The following MEGF6 variants were observed in gnomAD, a reference collection of about 807,000 sequenced individuals.
MEGF6 encodes multiple EGF like domains 6, also known as multiple epidermal growth factor-like domains protein 6.
MEGF6 carries 184 observed loss-of-function variants against 207.1 expected under a neutral mutation model. The observed-to-expected ratio is 0.89, with a 90% CI of 0.79 to 1.00. MEGF6 has a LOEUF of 1.00. Among genes scored for constraint, MEGF6 ranks in the 50% least tolerant of loss-of-function variants. The pLI, the probability that MEGF6 is intolerant of heterozygous loss-of-function variation, is 0.00. For synonymous variants in MEGF6, 1,038 were observed against 910.0 expected, an observed-to-expected ratio of 1.14 and a Z score of -2.53; for missense variants, 2,282 against 2,202.9, an observed-to-expected ratio of 1.04 and a Z score of -0.72.
rs1189663719 is a variant in MEGF6 at position 3,499,222 on chromosome 1, C to A, written c.3010G>T (p.Ala1004Ser). The stretch of plus-strand genomic sequence containing the variant: ...TCACAGGAGGCCCCGTTAAAGCAGG[C>A]ACAGGCCTGGCTGCAATTGTGCCCG... ...TYGHNCSQAC[A>S]CFNGASCDPV... The change falls in exon 24 of 37, where the codon GCC becomes TCC. Residue 1004 changes from alanine (A) to serine (S), a missense_variant. Transcript: ENST00000356575. The A allele has an allele frequency of 3.1e-6, 5 of 1,605,808 alleles. No individual in the cohort carries two copies. The highest frequency in any genetic ancestry group is 2.2e-5 in the East Asian group (1 of 44,658).
At chr1:3,527,003 C>T (rs1570057547) in intron 4 of MEGF6, among the ~76,000 whole-genome samples, 2 of 152,314 alleles carry the variant, frequency 1.3e-5, no homozygotes, top group East Asian at 3.9e-4. Context: ...AAGTCCTCGA[C>T]CGTGTGGGAA....
chr1:3,515,502 A>G lies in MEGF6; in HGVS notation c.630T>C (p.Asn210=). 6.2e-7 allele frequency: 1 copy of G among 1,612,650 alleles called. No homozygotes were observed. Among genetic ancestry groups the G allele is most frequent in the Non-Finnish European group, 8.5e-7 (1 of 1,179,866 alleles). The change falls in exon 6 of 37, where the codon AAT becomes AAC. Residue 210 remains asparagine (N), a synonymous_variant. Transcript: ENST00000356575. ...GGACACAGTGGTGCTGGCAGCCGCC[A>G]TTGCCCAGGGCGCAGGAGTTAATGG... ...CLAINSCALG[N]GGCQHHCVQL... is the part of the protein sequence containing the mutation.
At chr1:3,528,673 C>G (rs994317151) in intron 4 of MEGF6, among the ~76,000 whole-genome samples, 1 of 151,882 alleles carries the variant, frequency 6.6e-6, no homozygotes, top group African/African-American at 2.4e-5. Context: ...AAGCAGAGGT[C>G]GGAGGGAGGC....
chr1:3,517,380 G>T (rs1478205257), intron 5 of MEGF6, among the ~76,000 whole-genome samples: 3 of 152,176 alleles, frequency 2.0e-5, no homozygotes, highest in East Asian at 3.9e-4. Context: ...AGGGCGGGGG[G>T]ATCAGAGGCA....
At position 3,490,207 on chromosome 1, in the gene MEGF6, CCCA is replaced by C. The variant is rs1640295921; in HGVS notation, c.*318_*320del. On this transcript the variant is annotated 3_prime_UTR_variant, in exon 37 of 37. Coordinates refer to ENST00000356575, the MANE Select transcript of MEGF6 (RefSeq NM_001409.4). The stretch of plus-strand genomic sequence containing the variant: ...ACCTGCGCCTGCACCCACACTGGCG[CCCA>C]CACCTGTCCTCAGTCCAACTCAGAG... The C allele has an allele frequency of 7.1e-6, 3 of 420,550 alleles. 1 individual carries two copies. In the East Asian group the frequency reaches 1.4e-4, roughly 19 times the overall value. The allele number at this position is 420,550 out of a possible 1,614,324, so 26.1% of individuals were successfully genotyped here.
rs547668625 is a variant in MEGF6 at position 3,494,727 on chromosome 1, G to C, written c.3886C>G (p.Arg1296Gly). Residue 1296 changes from arginine (R) to glycine (G), a missense_variant, in exon 31 of 37, where the codon CGG (arginine) becomes GGG (glycine). By Grantham distance (125) the Arg-to-Gly change is moderately radical. Transcript: ENST00000356575. ...VRCERGCPQN[R>G]FGVGCEHTCS... is the part of the protein sequence containing the mutation. ...GTGTGCTCGCAGCCCACGCCAAACC[G>C]GTTCTGGGGGCAGCCTGGAGACAGA... 1 of 1,584,090 alleles carries C rather than the reference G, an allele frequency of 6.3e-7. No individual in the cohort carries two copies. The highest frequency in any genetic ancestry group is 8.6e-7 in the Non-Finnish European group (1 of 1,165,264).
chr1:3,524,203 C>T lies in MEGF6; in HGVS notation c.525G>A (p.Arg175=). 6.2e-7 allele frequency: 1 copy of T among 1,612,872 alleles called. No individual in the cohort carries two copies. Among genetic ancestry groups the T allele is most frequent in the African/African-American group, 1.3e-5 (1 of 75,056 alleles). The change falls in exon 5 of 37, where the codon CGG becomes CGA. Residue 175 remains arginine (R), a synonymous_variant. Transcript: ENST00000356575. Reference sequence around the variant, plus strand: ...GGTAGGAGCCTGGGGTGTTCACGCACCGGTGCTGGCAGCCACCGTTGTGGG... The same window carrying T: ...GGTAGGAGCCTGGGGTGTTCACGCATCGGTGCTGGCAGCCACCGTTGTGGG... ...CRTHNGGCQH[R]CVNTPGSYLC...
In MEGF6 at chr1:3,560,450, G is replaced by T. The variant is rs1033220855; in HGVS notation, c.481+19375C>A. ...CTGCCCTAAAAATCCTCTGTGCTCC[G>T]CCTATTCACCCCTTCCTCCCTCCTT... is the stretch of plus-strand genomic sequence containing the variant. On this transcript the variant is annotated intron_variant, in intron 4 of 36. Transcript: ENST00000356575. This position sits in a 1 kb window ranked among gnomAD's most constrained non-coding sequence, Gnocchi z 4.0. Among the ~76,000 whole-genome samples the T allele has an allele frequency of 6.6e-6, 1 of 152,126 alleles. No individual in the cohort carries two copies. Among genetic ancestry groups the T allele is most frequent in the Admixed American group, 6.5e-5 (1 of 15,284 alleles).
rs534382071 is a variant in MEGF6 at position 3,521,786 on chromosome 1, C to A, written c.604+2338G>T. On this transcript the variant is annotated intron_variant, in intron 5 of 36. Coordinates refer to ENST00000356575, the MANE Select transcript of MEGF6 (RefSeq NM_001409.4). ...CCAGGAACTCGCCATCTGGTATCCC[C>A]CACGCACAGCTCGCACACAGAGGCC... is the stretch of plus-strand genomic sequence containing the variant. 3.3e-5 allele frequency among the ~76,000 whole-genome samples: 5 copies of A among 152,326 alleles called. No homozygotes were observed. The South Asian group carries it at 1.0e-3, about 32-fold the overall frequency.
intron 4 of MEGF6, among the ~76,000 whole-genome samples, chr1:3,546,211 C>CTAA (rs1557766616): frequency 6.6e-6 from 1 of 152,236 alleles, no homozygotes; most frequent in African/African-American, 2.4e-5. Context: ...CACCTCAATC[C>CTAA]TAATCTGTTC....
Position 3,499,592 on chromosome 1 carries a change from G to A in MEGF6, c.2961C>T (p.Ala987=), listed in dbSNP as rs769033886. The A allele has an allele frequency of 1.1e-5, 18 of 1,578,122 alleles. No individual in the cohort carries two copies. The highest frequency in any genetic ancestry group is 2.3e-5 in the East Asian group (1 of 43,386). ...CTGAGCAGGGACCTCACGCACTCTC[G>A]GCACAGCGGGGGCCCCGGCGGCCAG... The part of the protein sequence containing the change: ...CPAGRRGPRC[A]ETCPAHTYGH... Residue 987 remains alanine, a synonymous_variant, in exon 23 of 37, where the codon GCC becomes GCT. Transcript: ENST00000356575.
Position 3,490,093 on chromosome 1 carries a change from TA to T in MEGF6, c.*434del, listed in dbSNP as rs149151273. ...GCGGGCATGTGCAGTGGCCCATAAA[TA>T]CCTTTACATAAATACGGGCTGGGCG... is the stretch of plus-strand genomic sequence containing the variant. On this transcript the variant is annotated 3_prime_UTR_variant, in exon 37 of 37. Transcript: ENST00000356575. 0.013 allele frequency: 2,481 copies of T among 186,866 alleles called. 64 individuals are homozygous for T. The highest frequency in any genetic ancestry group is 0.055 in the African/African-American group (2,307 of 42,114). The allele number at this position is 186,866 out of a possible 1,614,324, so 11.6% of individuals were successfully genotyped here.
chr1:3,593,648 G>A (rs1644015421), intron 3 of MEGF6, among the ~76,000 whole-genome samples: 1 of 151,736 alleles, frequency 6.6e-6, no homozygotes, highest in East Asian at 1.9e-4. Flanking sequence ...CCTTTGGCAG[G>A]CCCCAGAACC....
chr1:3,549,887 AC>A (rs1642829909), intron 4 of MEGF6, among the ~76,000 whole-genome samples: 1 of 152,018 alleles, frequency 6.6e-6, no homozygotes, highest in Admixed American at 6.5e-5. Context: ...AAGCACAGGC[AC>A]GGGTGGGCGG....
At position 3,607,795 on chromosome 1, in the gene MEGF6, G is replaced by T. The variant is rs114691750; in HGVS notation, c.131+3343C>A. Among the ~76,000 whole-genome samples, 1,507 of 152,330 alleles carry T rather than the reference G, an allele frequency of 9.9e-3. 23 individuals carry two copies. The highest frequency in any genetic ancestry group is 0.034 in the African/African-American group (1,413 of 41,578). On this transcript the variant is annotated intron_variant, in intron 1 of 36. Coordinates refer to ENST00000356575, the MANE Select transcript of MEGF6 (RefSeq NM_001409.4). ...AGTGGACCTGGTGCAGTCGGAGGCG[G>T]AATGCTCCCAGCTGGTGGGCCATCT...
Position 3,488,478 on chromosome 1 carries a change from G to A in MEGF6, c.*2050C>T, listed in dbSNP as rs1640227872. 6.6e-6 allele frequency among the ~76,000 whole-genome samples: 1 copy of A among 152,238 alleles called. No homozygotes were observed. The highest frequency in any genetic ancestry group is 6.5e-5 in the Admixed American group (1 of 15,280). ...AGGCCATTTGGGAACTGTGGTGACT[G>A]AATATCTCAGAGCACCCTCCTGGCT... On this transcript the variant is annotated 3_prime_UTR_variant, in exon 37 of 37. Coordinates refer to ENST00000356575, the MANE Select transcript of MEGF6 (RefSeq NM_001409.4).
At chr1:3,527,584 G>A (rs926336676) in intron 4 of MEGF6, among the ~76,000 whole-genome samples, 2 of 152,224 alleles carry the variant, frequency 1.3e-5, no homozygotes, top group East Asian at 1.9e-4. Context: ...GATGGTTTGC[G>A]GGAAGATGCT....
chr1:3,569,782 G>C (rs1643446622), intron 4 of MEGF6, among the ~76,000 whole-genome samples: 3 of 152,218 alleles, frequency 2.0e-5, no homozygotes, highest in Non-Finnish European at 4.4e-5. Context: ...GGGGCAGTTG[G>C]GGGAGCCTAC....
intron 2 of MEGF6, 65 bp from the exon 3 acceptor site, chr1:3,595,512 C>G: frequency 7.3e-7 from 1 of 1,373,680 alleles, no homozygotes; most frequent in South Asian, 1.2e-5. Flanking sequence ...GCTCTCACTG[C>G]ACCCCTGGGG....
Sources: gnomAD v4.1 joint callset for allele counts (sites outside exome capture counted in the v4.1 genomes callset) on GRCh38, gnomAD v4.1.1 for gene constraint, Gnocchi (gnomAD v3.1) non-coding constraint, MANE v1.5 for transcripts, NCBI Gene and HGNC (gene_info 2026-07-23, HGNC 2026-07-21) for gene names.